EML6: variants seen among roughly 807,000 people sequenced by gnomAD.
EML6 encodes the protein echinoderm microtubule-associated protein-like 6.
A neutral mutation model predicts 240.1 loss-of-function variants in EML6; 154 were observed. The observed-to-expected ratio is 0.64, with a 90% CI of 0.56 to 0.73. EML6 has a LOEUF of 0.73. Ranked by LOEUF, EML6 falls within the 30% of genes least tolerant of loss-of-function variation. The probability of loss-of-function intolerance (pLI) is 0.00; values close to 1 mark genes in which losing one functional copy is unlikely to be tolerated. For missense variants in EML6, 2,964 were observed against 2,474.6 expected (o/e 1.20, Z -4.20); for synonymous variants, 1,148 against 899.0 (o/e 1.28, Z -4.95).
chr2:54,848,776 G>T (rs1007497802), intron 9 of EML6, among the ~76,000 whole-genome samples: 1 of 152,160 alleles, frequency 6.6e-6, no homozygotes, highest in African/African-American at 2.4e-5. Flanking sequence ...GAGCTTTCCA[G>T]TGTGAGCAGA....
chr2:54,793,327 A>G (rs991015311), intron 2 of EML6, among the ~76,000 whole-genome samples: 2 of 151,954 alleles, frequency 1.3e-5, no homozygotes, highest in African/African-American at 4.8e-5. Context: ...ACCAAGTCAT[A>G]AAACACGGAT....
chr2:54,954,709 C>G (rs1573211616), intron 32 of EML6, among the ~76,000 whole-genome samples: 1 of 152,124 alleles, frequency 6.6e-6, no homozygotes, highest in South Asian at 2.1e-4. Context: ...CCAATACATG[C>G]ACACACACCT....
At chr2:54,866,120 G>C (rs955814653) in intron 13 of EML6, among the ~76,000 whole-genome samples, 1 of 152,180 alleles carries the variant, frequency 6.6e-6, no homozygotes, top group African/African-American at 2.4e-5. Flanking sequence ...ATTTTTAAAA[G>C]AGTTTGATTA....
intron 35 of EML6, among the ~76,000 whole-genome samples, chr2:54,961,331 C>T (rs1183177591): frequency 6.6e-6 from 1 of 151,076 alleles, no homozygotes; most frequent in Non-Finnish European, 1.5e-5. Flanking sequence ...ATTACAGGTG[C>T]CCACCACCAT....
intron 5 of EML6, among the ~76,000 whole-genome samples, chr2:54,825,796 C>G (rs975102693): frequency 7.9e-5 from 12 of 152,148 alleles, no homozygotes; most frequent in African/African-American, 2.9e-4. Flanking sequence ...GGGGGTATAG[C>G]CATCCCAGAA....
Position 54,971,913 on chromosome 2 carries a change from G to A in EML6, c.*1818G>A, listed in dbSNP as rs1558740636. 1 of 152,200 alleles carries A rather than the reference G, an allele frequency of 6.6e-6. No homozygotes were observed. The highest frequency in any genetic ancestry group is 1.5e-5 in the Non-Finnish European group (1 of 68,050). 9.4% of individuals were successfully genotyped at this position (152,200 alleles called of 1,614,324 possible). ...GATTTTATGTATGTTCATAAATCCT[G>A]CACTGTATGATATATGTGAGTTAAA... On this transcript the variant is annotated 3_prime_UTR_variant, in exon 42 of 42. Transcript: ENST00000356458.
chr2:54,784,772 C>G (rs1424768777), intron 2 of EML6, among the ~76,000 whole-genome samples: 1 of 152,058 alleles, frequency 6.6e-6, no homozygotes, highest in Admixed American at 6.5e-5. Flanking sequence ...ACCTATCAAC[C>G]CATCATCGAG....
At chr2:54,933,798 T>C (rs1674988106) in intron 28 of EML6, among the ~76,000 whole-genome samples, 1 of 152,156 alleles carries the variant, frequency 6.6e-6, no homozygotes, top group Admixed American at 6.5e-5. Context: ...AATGCAGTTA[T>C]GCCACCTTCC....
At chr2:54,815,186 T>G (rs970125783) in intron 3 of EML6, among the ~76,000 whole-genome samples, 1 of 152,264 alleles carries the variant, frequency 6.6e-6, no homozygotes, top group Non-Finnish European at 1.5e-5. Context: ...TTAATTTATG[T>G]TAGAATCCTA....
chr2:54,957,956 A>T lies in EML6; in HGVS notation c.4653A>T (p.Gly1551=). 6.4e-7 allele frequency: 1 copy of T among 1,551,538 alleles called. No homozygotes were observed. The highest frequency in any genetic ancestry group is 8.7e-7 in the Non-Finnish European group (1 of 1,146,910). The change falls in exon 33 of 42, where the codon GGA becomes GGT. Residue 1551 remains glycine (G), a synonymous_variant. Coordinates refer to ENST00000356458, the MANE Select transcript of EML6 (RefSeq NM_001039753.4). ...LYKKGVIGSL[G]AAKMQTMLSV... is the part of the protein sequence containing the mutation. The stretch of plus-strand genomic sequence containing the variant: ...AGAAAGGGGTCATCGGGTCCCTGGG[A>T]GCTGCCAAAATGCAGACGATGCTCT...
intron 2 of EML6, among the ~76,000 whole-genome samples, chr2:54,805,109 A>G (rs1173483301): frequency 6.6e-6 from 1 of 152,158 alleles, no homozygotes; most frequent in African/African-American, 2.4e-5. Context: ...ACTCAATGTA[A>G]TATTTTTGAG....
Position 54,795,605 on chromosome 2 carries a change from C to T in EML6, c.198-17627C>T, listed in dbSNP as rs192786292. Among the ~76,000 whole-genome samples the T allele has an allele frequency of 7.2e-5, 11 of 152,176 alleles. No homozygotes were observed. The East Asian group carries it at 2.1e-3, about 29-fold the overall frequency. ...CACTGCCAGCAAGGAGCATATGCCCCCAGGGAATGTCTGGGTCTGGCGTCC... is the reference window on the plus strand; with the variant it reads ...CACTGCCAGCAAGGAGCATATGCCCTCAGGGAATGTCTGGGTCTGGCGTCC... On this transcript the variant is annotated intron_variant, in intron 2 of 41. Coordinates refer to ENST00000356458, the MANE Select transcript of EML6 (RefSeq NM_001039753.4).
At chr2:54,797,520 A>C (rs1363675695) in intron 2 of EML6, among the ~76,000 whole-genome samples, 1 of 152,190 alleles carries the variant, frequency 6.6e-6, no homozygotes, top group Non-Finnish European at 1.5e-5. Flanking sequence ...AGCGAGTCAC[A>C]CAAATATTTT....
intron 2 of EML6, among the ~76,000 whole-genome samples, chr2:54,766,898 CATTT>C (rs143274022): frequency 0.048 from 7,233 of 152,114 alleles, 393 homozygotes; most frequent in East Asian, 0.31. Context: ...CAGTAAATAA[CATTT>C]ATTTATTTCT....
At chr2:54,845,519 A>G (rs945499986) in intron 8 of EML6, among the ~76,000 whole-genome samples, 1 of 152,240 alleles carries the variant, frequency 6.6e-6, no homozygotes, top group African/African-American at 2.4e-5. Context: ...ATACATTTTT[A>G]CACTAAGTAT....
At chr2:54,922,402 G>A (rs950482392) in intron 26 of EML6, among the ~76,000 whole-genome samples, 5 of 152,154 alleles carry the variant, frequency 3.3e-5, no homozygotes, top group Admixed American at 6.5e-5. Flanking sequence ...GTGTTGGTGA[G>A]GGTGTAAAGG....
At chr2:54,767,974 G>T (rs2103790291) in intron 2 of EML6, among the ~76,000 whole-genome samples, 1 of 152,238 alleles carries the variant, frequency 6.6e-6, no homozygotes, top group Middle Eastern at 3.4e-3. Context: ...ATCTGCATGA[G>T]ATCACATTCA....
intron 21 of EML6, among the ~76,000 whole-genome samples, chr2:54,897,259 A>C (rs1193822080): frequency 6.6e-6 from 1 of 152,178 alleles, no homozygotes; most frequent in African/African-American, 2.4e-5. Context: ...TGGTTTAAAT[A>C]TGTTTTATGC....
intron 29 of EML6, 98 bp downstream of exon 29, chr2:54,949,058 C>T (rs1361702752): frequency 2.5e-5 from 22 of 879,212 alleles, no homozygotes; most frequent in Non-Finnish European, 1.3e-5. Context: ...TCAAATGAAA[C>T]GGAGTAGGTC....
Sources: allele counts gnomAD v4.1 joint callset (sites outside exome capture counted in the v4.1 genomes callset), GRCh38; gene constraint gnomAD v4.1.1; transcripts MANE v1.5; gene names NCBI Gene and HGNC (gene_info 2026-07-23, HGNC 2026-07-21).